Variants in BBS5 observed in about 807,000 individuals in gnomAD.
The protein encoded by BBS5 is Bardet-Biedl syndrome 5.
BBS5 carries 39 observed loss-of-function variants against 50.2 expected under a neutral mutation model. The observed-to-expected ratio is 0.78, with a 90% confidence interval of 0.60 to 1.01. The LOEUF is 1.01. BBS5 is among the 50% of genes least tolerant of loss of function. The probability of loss-of-function intolerance (pLI) is 0.00; values close to 1 mark genes in which losing one functional copy is unlikely to be tolerated. For missense variants in BBS5, 356 were observed against 401.5 expected, an observed-to-expected ratio of 0.89 and a Z score of 0.97; for synonymous variants, 134 against 133.1, an observed-to-expected ratio of 1.01 and a Z score of -0.05.
At chr2:169,487,640 A>T in intron 3 of BBS5, 166 bp from the exon 4 acceptor site, 1 of 492,814 alleles carries the variant, frequency 2.0e-6, no homozygotes, top group Non-Finnish European at 3.5e-6. Context: ...TAGTTTTTTT[A>T]ATTATTTAAT....
intron 5 of BBS5, among the ~76,000 whole-genome samples, chr2:169,489,769 A>G (rs1473995028): frequency 6.8e-6 from 1 of 147,000 alleles, no homozygotes; most frequent in African/African-American, 2.5e-5. Flanking sequence ...ATATGTGTGT[A>G]TATAATTGTT....
chr2:169,490,603 T>C (rs1430331493), intron 5 of BBS5, among the ~76,000 whole-genome samples: 1 of 152,200 alleles, frequency 6.6e-6, no homozygotes, highest in Non-Finnish European at 1.5e-5. Context: ...ATTTTTAATT[T>C]TATTGATGTT....
intron 6 of BBS5, among the ~76,000 whole-genome samples, chr2:169,493,326 A>G (rs191882126): frequency 4.6e-4 from 70 of 152,058 alleles, no homozygotes; most frequent in Non-Finnish European, 7.6e-4. Context: ...TCTAATGTAT[A>G]TTCATGGGGA....
intron 9 of BBS5, among the ~76,000 whole-genome samples, chr2:169,502,738 T>C (rs1295499400): frequency 6.6e-6 from 1 of 152,206 alleles, no homozygotes; most frequent in Non-Finnish European, 1.5e-5. Context: ...ACAAATTCTA[T>C]ATAATGACTA....
Position 169,480,670 on chromosome 2 carries a change from C to CTTTTTTTTT in BBS5, c.59+1078_59+1086dup, listed in dbSNP as rs577688589. On this transcript the variant is annotated intron_variant, in intron 1 of 11. Transcript: ENST00000295240. ...ACTTTCTATGACATTTTCTGTCATT[C>CTTTTTTTTT]TTTTTTTTTTTTTTTTTTTTTTTTT... Among the ~76,000 whole-genome samples the CTTTTTTTTT allele has an allele frequency of 1.8e-4, 13 of 73,168 alleles. 1 individual carries two copies. The highest frequency in any genetic ancestry group is 1.3e-3 in the South Asian group (2 of 1,504). The allele number at this position is 73,168 out of a possible 152,430, so 48.0% of individuals were successfully genotyped here.
Position 169,488,124 on chromosome 2 carries a change from T to C in BBS5, c.386+10T>C. 13 of 1,612,298 alleles carry C rather than the reference T, an allele frequency of 8.1e-6. No individual in the cohort carries two copies. Among genetic ancestry groups the C allele is most frequent in the Non-Finnish European group, 1.1e-5 (13 of 1,178,892 alleles). On this transcript the variant is annotated intron_variant, in intron 5 of 11. Coordinates refer to ENST00000295240, the MANE Select transcript of BBS5 (RefSeq NM_152384.3). ...TGATGGCAGTACACAGGTATAGTAA[T>C]ACTTTATGGATTATTGAATATTTTT...
At chr2:169,504,155 A>C in intron 10 of BBS5, 148 bp from the exon 11 acceptor site, 4 of 736,048 alleles carry the variant, frequency 5.4e-6, no homozygotes, top group Non-Finnish European at 7.1e-6. Context: ...CCAGCATTGT[A>C]GAGATAGGTG....
intron 5 of BBS5, among the ~76,000 whole-genome samples, chr2:169,490,926 C>T (rs1463849441): frequency 6.6e-6 from 1 of 152,182 alleles, no homozygotes; most frequent in Non-Finnish European, 1.5e-5. Context: ...CCTTTTATGT[C>T]TGACCTCTTT....
chr2:169,481,095 A>G (rs955650091), intron 1 of BBS5, among the ~76,000 whole-genome samples: 3 of 152,254 alleles, frequency 2.0e-5, no homozygotes, highest in African/African-American at 7.2e-5. Context: ...AGCTAGAGAC[A>G]GAAAATAATA....
intron 9 of BBS5, 80 bp downstream of exon 9, chr2:169,499,700 C>T: frequency 3.6e-6 from 5 of 1,405,710 alleles, no homozygotes; most frequent in Non-Finnish European, 5.0e-6. Flanking sequence ...CCACTGTGCA[C>T]CATTTAATTT....
intron 2 of BBS5, among the ~76,000 whole-genome samples, chr2:169,486,430 C>A (rs1306709951): frequency 6.6e-6 from 1 of 152,080 alleles, no homozygotes; most frequent in African/African-American, 2.4e-5. Context: ...AGTAAGAGAT[C>A]ACTATTGTAC....
chr2:169,504,897 G>A lies in BBS5; in HGVS notation c.*315G>A, dbSNP rs1052204521. 9 of 1,613,574 alleles carry A rather than the reference G, an allele frequency of 5.6e-6. No homozygotes were observed. The highest frequency in any genetic ancestry group is 4.5e-5 in the East Asian group (2 of 44,854). ...TGCCTGCACGCCCGGCTGCAAATTC[G>A]CCCAGCCAATGGGGACGTTGCGGCC... On this transcript the variant is annotated 3_prime_UTR_variant, in exon 12 of 12. Coordinates refer to ENST00000295240, the MANE Select transcript of BBS5 (RefSeq NM_152384.3).
chr2:169,503,232 GT>G, intron 10 of BBS5, 54 bp downstream of exon 10: 3 of 1,410,486 alleles, frequency 2.1e-6, no homozygotes, highest in Non-Finnish European at 3.0e-6. Flanking sequence ...TCTCAGTCTT[GT>G]TTAATAAAAT....
At chr2:169,499,101 T>G (rs1683750969) in intron 8 of BBS5, 1 of 186,488 alleles carries the variant, frequency 5.4e-6, no homozygotes, top group Non-Finnish European at 1.1e-5. Context: ...AAAAACTTAG[T>G]TCCCTTGGCC....
chr2:169,479,875 G>A (rs1463351859), intron 1 of BBS5, among the ~76,000 whole-genome samples: 1 of 152,248 alleles, frequency 6.6e-6, no homozygotes, highest in Admixed American at 6.5e-5. Flanking sequence ...CCTGGCCCGC[G>A]GGACGGATCA....
chr2:169,485,663 A>T (rs1460075651), intron 2 of BBS5, among the ~76,000 whole-genome samples: 2 of 152,126 alleles, frequency 1.3e-5, no homozygotes, highest in African/African-American at 4.8e-5. Flanking sequence ...GCTGTCTTCC[A>T]TTTGTTCATC....
chr2:169,480,627 T>C (rs2105290725), intron 1 of BBS5, among the ~76,000 whole-genome samples: 1 of 150,874 alleles, frequency 6.6e-6, no homozygotes, highest in South Asian at 2.1e-4. Flanking sequence ...AATTACGGAC[T>C]GTAGTAACAT....
Position 169,487,100 on chromosome 2 carries a change from C to T in BBS5, c.174C>T (p.Leu58=). The part of the protein sequence containing the change: ...GRLLVTNLRI[L]WHSLALSRVN... Reference sequence around the variant, plus strand: ...TCTTGGTAACAAATTTAAGAATTCTCTGGCACTCTTTGGCATTATCAAGAG... The same window carrying T: ...TCTTGGTAACAAATTTAAGAATTCTTTGGCACTCTTTGGCATTATCAAGAG... The change falls in exon 3 of 12, where the codon CTC becomes CTT. Residue 58 remains leucine, a synonymous_variant. Transcript: ENST00000295240. The T allele has an allele frequency of 1.2e-6, 2 of 1,612,044 alleles. No homozygotes were observed. The highest frequency in any genetic ancestry group is 1.7e-6 in the Non-Finnish European group (2 of 1,178,540).
intron 2 of BBS5, among the ~76,000 whole-genome samples, chr2:169,483,892 T>C (rs1683444352): frequency 6.6e-6 from 1 of 152,190 alleles, no homozygotes; most frequent in African/African-American, 2.4e-5. Flanking sequence ...ACTATCAAGA[T>C]GGCTGTATCT....
Sources: allele counts gnomAD v4.1 joint callset (sites outside exome capture counted in the v4.1 genomes callset), GRCh38; gene constraint gnomAD v4.1.1; transcripts MANE v1.5; gene names NCBI Gene and HGNC (gene_info 2026-07-23, HGNC 2026-07-21).